Variants in RHPN1 observed in about 807,000 individuals in gnomAD.
RHPN1 encodes rhophilin Rho GTPase binding protein 1.
A neutral mutation model predicts 74.7 loss-of-function variants in RHPN1; 77 were observed. That is an observed-to-expected ratio of 1.03 (90% CI 0.86 to 1.25). The LOEUF (loss-of-function observed/expected upper bound fraction) is 1.25, where lower values mean the gene tolerates loss of function less well. RHPN1 is among the 50% of genes most tolerant of loss of function. The pLI is 0.00. For missense variants in RHPN1, 987 were observed against 932.2 expected (o/e 1.06, Z -0.77); for synonymous variants, 444 against 414.5 (o/e 1.07, Z -0.87).
chr8:143,365,695 T>C (rs1817549332), upstream of RHPN1, among the ~76,000 whole-genome samples: 1 of 152,142 alleles, frequency 6.6e-6, no homozygotes, highest in Non-Finnish European at 1.5e-5. Context: ...AAAGTACTGG[T>C]CCATATAAAA....
chr8:143,381,737 C>G lies in RHPN1; in HGVS notation c.1635+19C>G. 1 of 1,606,876 alleles carries G rather than the reference C, an allele frequency of 6.2e-7. No homozygotes were observed. The highest frequency in any genetic ancestry group is 8.5e-7 in the Non-Finnish European group (1 of 1,177,338). On this transcript the variant is annotated intron_variant, in intron 13 of 14. Coordinates refer to ENST00000289013, the MANE Select transcript of RHPN1 (RefSeq NM_052924.3). ...GGCCGCGGTAAGGGCCCCGCCGGCC[C>G]CCTGAGGCTGAGTCCTTGGTGCCAG...
At chr8:143,368,566 A>G (rs1173014825), upstream of RHPN1, 1 of 153,442 alleles carries the variant, frequency 6.5e-6, no homozygotes, top group Non-Finnish European at 1.5e-5. Context: ...CGTTCCGTAT[A>G]GTTTTTTTCT....
chr8:143,375,331 G>A lies in RHPN1; in HGVS notation c.61-222G>A, dbSNP rs550507070. Among the ~76,000 whole-genome samples the A allele has an allele frequency of 3.9e-5, 6 of 152,272 alleles. No homozygotes were observed. The South Asian group carries it at 1.2e-3, about 32-fold the overall frequency. On this transcript the variant is annotated intron_variant, in intron 1 of 14. Transcript: ENST00000289013. ...TCACGAGTCAGCAGCTTACCCCACC[G>A]ACCACGTCCTTCTGCATTGACTGCC...
rs773074335 is a variant in RHPN1, at chr8:143,382,659, G to A, written c.*8G>A. On this transcript the variant is annotated 3_prime_UTR_variant, in exon 15 of 15. Transcript: ENST00000289013. ...CACCCAGGGTGGCCGTGAGGGCCAG[G>A]ATCCCTGCACGCCTCAGCCCTGGCT... is the stretch of plus-strand genomic sequence containing the variant. 3 of 1,605,232 alleles carry A rather than the reference G, an allele frequency of 1.9e-6. No individual in the cohort carries two copies. Among genetic ancestry groups the A allele is most frequent in the Non-Finnish European group, 2.5e-6 (3 of 1,178,000 alleles).
intron 5 of RHPN1, 47 bp downstream of exon 5, chr8:143,378,393 A>T (rs985008194): frequency 7.8e-6 from 9 of 1,161,088 alleles, no homozygotes; most frequent in Non-Finnish European, 9.2e-6. Flanking sequence ...CCTGGGAGAC[A>T]CATGCGGAGG....
chr8:143,376,407 G>C, intron 2 of RHPN1, 118 bp from the exon 3 acceptor site: 1 of 1,440,276 alleles, frequency 6.9e-7, no homozygotes, highest in Non-Finnish European at 9.4e-7. Flanking sequence ...TGTCAGCGAC[G>C]TCCTCTGCAG....
Position 143,375,646 on chromosome 8 carries a change from A to T in RHPN1, c.154A>T (p.Thr52Ser). 1 of 1,608,110 alleles carries T rather than the reference A, an allele frequency of 6.2e-7. No individual in the cohort carries two copies. Among genetic ancestry groups the T allele is most frequent in the South Asian group, 1.1e-5 (1 of 90,338 alleles). Reference sequence around the variant, plus strand: ...GATTGACAAGGAGCTGCAGATGCGGACGGGCGCTGAGAACCTCTACAGGTC... The same window carrying T: ...GATTGACAAGGAGCTGCAGATGCGGTCGGGCGCTGAGAACCTCTACAGGTC... ...QQIDKELQMR[T>S]GAENLYRATS... The change falls in exon 2 of 15, where the codon ACG becomes TCG. Residue 52 changes from threonine to serine, a missense_variant. Coordinates refer to ENST00000289013, the MANE Select transcript of RHPN1 (RefSeq NM_052924.3).
At position 143,381,979 on chromosome 8, in the gene RHPN1, G is replaced by A. The variant is rs1290861348; in HGVS notation, c.1797+11G>A. On this transcript the variant is annotated intron_variant, in intron 14 of 14. Transcript: ENST00000289013. Reference sequence around the variant, plus strand: ...AGACTGCCCAGCTTGGTGAGCCCCTGGGGCCCCAGAGGGGCGGTCCCCAGC... The same window carrying A: ...AGACTGCCCAGCTTGGTGAGCCCCTAGGGCCCCAGAGGGGCGGTCCCCAGC... 6.4e-7 allele frequency: 1 copy of A among 1,569,952 alleles called. No homozygotes were observed.
intron 2 of RHPN1, 34 bp downstream of exon 2, chr8:143,375,702 G>A (rs769648915): frequency 2.0e-6 from 3 of 1,514,276 alleles, no homozygotes; most frequent in Non-Finnish European, 2.7e-6. Context: ...CCCGGGAGCA[G>A]GGCCCACCTG....
In RHPN1 at chr8:143,381,774, T is replaced by C. The variant is rs760180404; in HGVS notation, c.1636-33T>C. 15 of 1,606,838 alleles carry C rather than the reference T, an allele frequency of 9.3e-6. No homozygotes were observed. In the South Asian group the frequency reaches 1.7e-4, roughly 18 times the overall value. ...GTCCTTGGTGCCAGCCAGGGTGTCC[T>C]GTCCCCACCTCACCGTCCAAGTCTC... On this transcript the variant is annotated intron_variant, in intron 13 of 14. Coordinates refer to ENST00000289013, the MANE Select transcript of RHPN1 (RefSeq NM_052924.3).
rs770478690 is a variant in RHPN1 at position 143,381,828 on chromosome 8, G to A, written c.1657G>A (p.Asp553Asn). The A allele has an allele frequency of 3.7e-5, 59 of 1,612,796 alleles. No homozygotes were observed. Among genetic ancestry groups the A allele is most frequent in the Non-Finnish European group, 4.7e-5 (56 of 1,179,710 alleles). Residue 553 changes from aspartate (D) to asparagine (N), a missense_variant, in exon 14 of 15, where the codon GAC becomes AAC. Transcript: ENST00000289013. Reference protein sequence around the residue: ...QAAAAGLKEGDYIVSVNGQPC... With the variant: ...QAAAAGLKEGNYIVSVNGQPC... ...ACAGGCGGCTGGCCTGAAGGAGGGC[G>A]ACTACATTGTGTCAGTGAATGGGCA...
intron 2 of RHPN1, among the ~76,000 whole-genome samples, chr8:143,376,208 A>G (rs1312814286): frequency 6.6e-6 from 1 of 152,202 alleles, no homozygotes; most frequent in East Asian, 1.9e-4. Flanking sequence ...CCACCATCCA[A>G]GGAGTGATGT....
intron 1 of RHPN1, among the ~76,000 whole-genome samples, chr8:143,374,533 A>C (rs948011911): frequency 3.9e-5 from 6 of 152,224 alleles, no homozygotes; most frequent in Admixed American, 3.3e-4. Context: ...TGTGGGTCTC[A>C]AAGCATGGAA....
At chr8:143,380,871 A>C (rs1818676331) in intron 11 of RHPN1, 88 bp downstream of exon 11, 3 of 1,054,674 alleles carry the variant, frequency 2.8e-6, no homozygotes, top group African/African-American at 3.2e-5. Flanking sequence ...ATTGCATTAA[A>C]GATGCAGTCA....
At position 143,380,727 on chromosome 8, in the gene RHPN1, C is replaced by T. The variant is rs780984814; in HGVS notation, c.1355C>T (p.Ala452Val). The change falls in exon 11 of 15, where the codon GCG becomes GTG. Residue 452 changes from alanine (A) to valine (V), a missense_variant. Ala to Val is a moderately conservative substitution (Grantham distance 64, BLOSUM62 0). Coordinates refer to ENST00000289013, the MANE Select transcript of RHPN1 (RefSeq NM_052924.3). ...QTLQRSLAKY[A>V]ELDREDDFCE... is the part of the protein sequence containing the mutation. ...CTGCAGCGCTCACTGGCCAAGTATG[C>T]GGAGCTCGACCGTGAGGATGACTTC... is the stretch of plus-strand genomic sequence containing the variant. The T allele has an allele frequency of 2.3e-5, 36 of 1,594,714 alleles. No individual in the cohort carries two copies. In the African/African-American group the frequency reaches 4.0e-4, roughly 18 times the overall value.
intron 1 of RHPN1, among the ~76,000 whole-genome samples, chr8:143,372,607 ATCCCTCCGGCCGCCTGTGTCCC>A (rs1304443841): frequency 5.9e-5 from 9 of 151,350 alleles, no homozygotes; most frequent in Admixed American, 5.3e-4. Flanking sequence ...GCCTGTGTCC[ATCCCTCCGGCCGCCTGTGTCCC>A]TCCCTCCGGC....
At chr8:143,377,326 C>A in intron 3 of RHPN1, 54 bp from the exon 4 acceptor site, 1 of 1,472,686 alleles carries the variant, frequency 6.8e-7, no homozygotes, top group Non-Finnish European at 9.5e-7. Flanking sequence ...CCCCGGGCTG[C>A]CGTGGGCAGC....
Position 143,382,533 on chromosome 8 carries a change from G to A in RHPN1, c.1895G>A (p.Arg632Gln), listed in dbSNP as rs746096284. Residue 632 changes from arginine (R) to glutamine (Q), a missense_variant, in exon 15 of 15, where the codon CGG (arginine) becomes CAG (glutamine). Transcript: ENST00000289013. The part of the protein sequence containing the change: ...KTPASTWASP[R>Q]PLLNWSRKAQ... ...CCGGCATCCACGTGGGCCAGTCCCC[G>A]GCCCCTCCTCAACTGGAGCCGAAAG... The A allele has an allele frequency of 5.6e-6, 9 of 1,611,104 alleles. No homozygotes were observed. The highest frequency in any genetic ancestry group is 1.1e-5 in the South Asian group (1 of 90,816).
intron 8 of RHPN1, 68 bp from the exon 9 acceptor site, chr8:143,379,761 G>A (rs1003192896): frequency 1.3e-6 from 2 of 1,530,152 alleles, no homozygotes; most frequent in Admixed American, 3.8e-5. Context: ...GGTGGAGGCT[G>A]GGTAGGGAGA....
Sources: gnomAD v4.1 joint callset for allele counts (sites outside exome capture counted in the v4.1 genomes callset) on GRCh38, gnomAD v4.1.1 for gene constraint, MANE v1.5 for transcripts, NCBI Gene and HGNC (gene_info 2026-07-23, HGNC 2026-07-21) for gene names.